Variants in NRXN3 observed in about 807,000 individuals in gnomAD.
The protein encoded by NRXN3 is neurexin 3.
In NRXN3, 32 loss-of-function variants were observed where a neutral mutation model predicts 137.6. The ratio of observed to expected loss-of-function variants is 0.23; its 90% confidence interval spans 0.18 to 0.31. The LOEUF (loss-of-function observed/expected upper bound fraction) is 0.31. Ranked by LOEUF, NRXN3 falls within the 10% of genes least tolerant of loss-of-function variation. The probability of loss-of-function intolerance (pLI) is 1.00; values close to 1 mark genes in which losing one functional copy is unlikely to be tolerated. For synonymous variants in NRXN3, 798 were observed against 784.5 expected, an observed-to-expected ratio of 1.02 and a Z score of -0.29; for missense variants, 1,574 against 2,062.5, an observed-to-expected ratio of 0.76 and a Z score of 4.59.
At chr14:79,781,262 G>T (rs1394562914) in intron 19 of NRXN3, among the ~76,000 whole-genome samples, 2 of 152,168 alleles carry the variant, frequency 1.3e-5, no homozygotes, top group South Asian at 2.1e-4. Flanking sequence ...AATTTAAATA[G>T]CTGGCCTGTA....
chr14:79,234,133 A>T (rs2072776926), intron 15 of NRXN3, among the ~76,000 whole-genome samples: 1 of 150,874 alleles, frequency 6.6e-6, no homozygotes, highest in Admixed American at 6.6e-5. Context: ...CTGGGGCTGC[A>T]CCTTCAGCCC....
At chr14:79,196,638 T>TATAG (rs74878655) in intron 15 of NRXN3, among the ~76,000 whole-genome samples, 38,118 of 151,546 alleles carry the variant, frequency 0.25, 4,841 homozygotes, top group East Asian at 0.33. Context: ...CTGTGATTGA[T>TATAG]ATAGATAGAT....
chr14:78,658,973 A>T (rs779536363), intron 6 of NRXN3, among the ~76,000 whole-genome samples: 16 of 152,188 alleles, frequency 1.1e-4, no homozygotes, highest in Non-Finnish European at 1.9e-4. Flanking sequence ...GGAGCTAACT[A>T]TTGGCTTGTC....
In NRXN3 at chr14:79,508,965, G is replaced by A. The variant is rs917406316; in HGVS notation, c.3444+41563G>A. 3.9e-5 allele frequency among the ~76,000 whole-genome samples: 6 copies of A among 151,998 alleles called. No individual in the cohort carries two copies. The South Asian group carries it at 6.2e-4, about 16-fold the overall frequency. ...ACAGCACTTTGGGAGGCAGAGGCGGGTGGATCATTTGAGGATCACAGGAGT... is the reference window on the plus strand; with the variant it reads ...ACAGCACTTTGGGAGGCAGAGGCGGATGGATCATTTGAGGATCACAGGAGT... On this transcript the variant is annotated intron_variant, in intron 16 of 20. Coordinates refer to ENST00000335750, the MANE Select transcript of NRXN3 (RefSeq NM_001330195.2).
chr14:79,352,203 C>A (rs1433308476), intron 15 of NRXN3, among the ~76,000 whole-genome samples: 1 of 152,088 alleles, frequency 6.6e-6, no homozygotes, highest in African/African-American at 2.4e-5. Context: ...TCACATCAAT[C>A]ATATTTGACA....
chr14:78,557,222 A>AT (rs377666227), intron 4 of NRXN3, among the ~76,000 whole-genome samples: 4,226 of 136,492 alleles, frequency 0.031, 94 homozygotes, highest in African/African-American at 0.063. Context: ...ATTTTTTTCT[A>AT]TTTTTTTTTT....
intron 14 of NRXN3, among the ~76,000 whole-genome samples, chr14:78,971,414 A>G (rs1291569366): frequency 6.9e-6 from 1 of 144,578 alleles, no homozygotes; most frequent in Non-Finnish European, 1.5e-5. Flanking sequence ...AATCTAGAAT[A>G]CACAGATAAA....
intron 4 of NRXN3, among the ~76,000 whole-genome samples, chr14:78,375,873 A>G (rs2087719839): frequency 6.6e-6 from 1 of 152,182 alleles, no homozygotes; most frequent in Non-Finnish European, 1.5e-5. Context: ...TTTATAATAA[A>G]TTAAGGTCCC....
chr14:78,469,293 A>G (rs890239590), intron 4 of NRXN3, among the ~76,000 whole-genome samples: 2 of 152,278 alleles, frequency 1.3e-5, no homozygotes, highest in South Asian at 4.1e-4. Flanking sequence ...TATGAAAAAT[A>G]CTGATGCCTG....
chr14:79,439,901 A>T (rs1300564786), intron 15 of NRXN3, among the ~76,000 whole-genome samples: 1 of 152,200 alleles, frequency 6.6e-6, no homozygotes, highest in Non-Finnish European at 1.5e-5. Context: ...GTAGCTTTCC[A>T]AGTCCATCCT....
intron 4 of NRXN3, among the ~76,000 whole-genome samples, chr14:78,610,399 G>C (rs1200213071): frequency 6.6e-6 from 1 of 152,184 alleles, no homozygotes; most frequent in Admixed American, 6.5e-5. Flanking sequence ...TCTTCCAAGG[G>C]CGTAAGCATT....
rs537737072 is a variant in NRXN3 at position 79,029,961 on chromosome 14, C to T, written c.3262+41820C>T. The stretch of plus-strand genomic sequence containing the variant: ...TCTGAGGCTTAATTGATCCTACTGT[C>T]TTAGCCCCCCCAAGTAGCTGGGACT... On this transcript the variant is annotated intron_variant, in intron 15 of 20. Coordinates refer to ENST00000335750, the MANE Select transcript of NRXN3 (RefSeq NM_001330195.2). Among the ~76,000 whole-genome samples the T allele has an allele frequency of 2.0e-5, 3 of 151,920 alleles. No homozygotes were observed. In the South Asian group the frequency reaches 6.3e-4, roughly 32 times the overall value.
chr14:79,714,376 A>G (rs1402367788), intron 19 of NRXN3, among the ~76,000 whole-genome samples: 2 of 152,226 alleles, frequency 1.3e-5, no homozygotes, highest in Non-Finnish European at 2.9e-5. Context: ...TTTGATGAGG[A>G]TGTTCCCAGG....
At chr14:78,938,852 T>TTTTC in intron 10 of NRXN3, among the ~76,000 whole-genome samples, 2 of 148,078 alleles carry the variant, frequency 1.4e-5, no homozygotes, top group Non-Finnish European at 3.0e-5. Context: ...ATTTTTCTTT[T>TTTTC]TTTTTTTTTT....
At chr14:78,856,277 T>C (rs1481376817) in intron 10 of NRXN3, among the ~76,000 whole-genome samples, 1 of 152,200 alleles carries the variant, frequency 6.6e-6, no homozygotes, top group East Asian at 1.9e-4. Context: ...CCTAAAAGCA[T>C]AGATGTTCTT....
chr14:79,381,164 T>G lies in NRXN3; in HGVS notation c.3263-86057T>G, dbSNP rs187651717. Reference sequence around the variant, plus strand: ...TAATGAGATCAGTTTGTAAGAATTCTGGGTGAACACGTTAATTAGTTTATT... The same window carrying G: ...TAATGAGATCAGTTTGTAAGAATTCGGGGTGAACACGTTAATTAGTTTATT... On this transcript the variant is annotated intron_variant, in intron 15 of 20. Coordinates refer to ENST00000335750, the MANE Select transcript of NRXN3 (RefSeq NM_001330195.2). Among the ~76,000 whole-genome samples the G allele has an allele frequency of 6.4e-3, 970 of 152,136 alleles. 11 individuals carry two copies. The highest frequency in any genetic ancestry group is 0.022 in the African/African-American group (913 of 41,530).
At chr14:78,420,379 T>C (rs184621611) in intron 4 of NRXN3, among the ~76,000 whole-genome samples, 264 of 152,292 alleles carry the variant, frequency 1.7e-3, no homozygotes, top group Non-Finnish European at 2.9e-3. Context: ...GTGGTAGATA[T>C]GTGAAATATG....
intron 1 of NRXN3, among the ~76,000 whole-genome samples, chr14:78,199,838 C>T (rs891181505): frequency 6.6e-6 from 1 of 152,192 alleles, no homozygotes; most frequent in Non-Finnish European, 1.5e-5. Flanking sequence ...GAGGTGGAAG[C>T]ATTCCAACCT....
At chr14:79,391,898 A>G (rs543684609) in intron 15 of NRXN3, among the ~76,000 whole-genome samples, 226 of 152,318 alleles carry the variant, frequency 1.5e-3, no homozygotes, top group Non-Finnish European at 2.8e-3. Flanking sequence ...ACTTTTTCTC[A>G]GAGGAGAGTG....
Sources: gnomAD v4.1 joint callset for allele counts (sites outside exome capture counted in the v4.1 genomes callset) on GRCh38, gnomAD v4.1.1 for gene constraint, MANE v1.5 for transcripts, NCBI Gene and HGNC (gene_info 2026-07-23, HGNC 2026-07-21) for gene names.